CHMP2B: variants seen among roughly 807,000 people sequenced by gnomAD.
CHMP2B encodes the protein charged multivesicular body protein 2B.
A neutral mutation model predicts 29.8 loss-of-function variants in CHMP2B; 22 were observed. The observed-to-expected ratio is 0.74, with a 90% CI of 0.53 to 1.05. The LOEUF is 1.05. CHMP2B is among the 50% of genes least tolerant of loss of function. The pLI is 0.00. For missense variants in CHMP2B, 261 were observed against 252.2 expected (o/e 1.03, Z -0.24); for synonymous variants, 78 against 75.8 (o/e 1.03, Z -0.15).
At chr3:87,253,165 AAG>A (rs1266433393) in intron 4 of CHMP2B, 4 of 397,442 alleles carry the variant, frequency 1.0e-5, no homozygotes, top group Admixed American at 4.1e-5. Context: ...TTTTTTAAAA[AAG>A]AGTAGACTTG....
intron 1 of CHMP2B, chr3:87,240,421 C>A: frequency 3.2e-6 from 1 of 311,492 alleles, no homozygotes. Flanking sequence ...AGCGATTCTT[C>A]TACCTCAGCC....
chr3:87,242,104 G>A (rs1463595149), intron 2 of CHMP2B, among the ~76,000 whole-genome samples: 2 of 151,960 alleles, frequency 1.3e-5, no homozygotes, highest in Non-Finnish European at 2.9e-5. Context: ...TTTTGCCAGA[G>A]TGTCTATTCA....
chr3:87,249,797 G>A lies in CHMP2B; in HGVS notation c.322-78G>A, dbSNP rs184658029. ...TTTTTAAAGCCTATCTATATTTGAT[G>A]TGTTCCCTTTTGACTTATTTCATAG... On this transcript the variant is annotated intron_variant, in intron 3 of 5. Coordinates refer to ENST00000263780, the MANE Select transcript of CHMP2B (RefSeq NM_014043.4). 5.0e-5 allele frequency: 40 copies of A among 802,280 alleles called. No individual in the cohort carries two copies. The East Asian group carries it at 9.7e-4, about 20-fold the overall frequency. 49.7% of individuals were successfully genotyped at this position (802,280 alleles called of 1,614,324 possible).
chr3:87,237,695 T>C (rs1289885327), intron 1 of CHMP2B, among the ~76,000 whole-genome samples: 5 of 152,204 alleles, frequency 3.3e-5, no homozygotes, highest in Non-Finnish European at 4.4e-5. Flanking sequence ...TGACAATGCA[T>C]ACCCATGTAT....
chr3:87,239,429 G>A (rs977746688), intron 1 of CHMP2B, among the ~76,000 whole-genome samples: 4 of 152,074 alleles, frequency 2.6e-5, no homozygotes, highest in African/African-American at 9.7e-5. Context: ...GTTAATGTTT[G>A]TATACAGTGT....
intron 2 of CHMP2B, among the ~76,000 whole-genome samples, chr3:87,241,889 A>G (rs1397094027): frequency 6.6e-6 from 1 of 152,172 alleles, no homozygotes; most frequent in Non-Finnish European, 1.5e-5. Flanking sequence ...TAAAGTGCTG[A>G]AAAATTTGCA....
At chr3:87,253,345 A>C in intron 4 of CHMP2B, 59 bp from the exon 5 acceptor site, 1 of 981,298 alleles carries the variant, frequency 1.0e-6, no homozygotes, top group Middle Eastern at 2.1e-4. Context: ...TAAATATGTA[A>C]GTCTAACCTG....
intron 2 of CHMP2B, among the ~76,000 whole-genome samples, chr3:87,242,263 T>G (rs568883635): frequency 4.6e-5 from 7 of 152,130 alleles, no homozygotes; most frequent in Non-Finnish European, 1.0e-4. Flanking sequence ...CCTAAGTGTG[T>G]TTTGAGGAAT....
intron 1 of CHMP2B, among the ~76,000 whole-genome samples, chr3:87,229,979 C>A (rs1274435330): frequency 6.6e-6 from 1 of 152,108 alleles, no homozygotes; most frequent in African/African-American, 2.4e-5. Flanking sequence ...GAGAGGTATA[C>A]CTCAAGAGAA....
chr3:87,253,910 T>C lies in CHMP2B; in HGVS notation c.*88T>C. On this transcript the variant is annotated 3_prime_UTR_variant, in exon 6 of 6. Coordinates refer to ENST00000263780, the MANE Select transcript of CHMP2B (RefSeq NM_014043.4). The stretch of plus-strand genomic sequence containing the variant: ...GATTTCTTTTACAAAACACATGTAT[T>C]TTGCAAAAAAAAAAAAAATGAAGAC... 1 of 926,680 alleles carries C rather than the reference T, an allele frequency of 1.1e-6. No homozygotes were observed. Among genetic ancestry groups the C allele is most frequent in the Non-Finnish European group, 1.7e-6 (1 of 600,168 alleles). 57.4% of individuals were successfully genotyped at this position (926,680 alleles called of 1,614,324 possible). A position where few individuals can be genotyped will look rare whatever the true frequency, so the allele number is the denominator to read the frequency against.
At chr3:87,250,669 T>C (rs1309913821) in intron 4 of CHMP2B, among the ~76,000 whole-genome samples, 1 of 151,984 alleles carries the variant, frequency 6.6e-6, no homozygotes, top group Admixed American at 6.6e-5. Flanking sequence ...TTTAATATCA[T>C]TTAACATCAG....
intron 1 of CHMP2B, among the ~76,000 whole-genome samples, chr3:87,238,809 A>G (rs1201111349): frequency 6.6e-6 from 1 of 152,176 alleles, no homozygotes; most frequent in Non-Finnish European, 1.5e-5. Context: ...TTTCGATCTA[A>G]GAGTGGAATT....
Position 87,255,093 on chromosome 3 carries a change from C to A in CHMP2B, c.*1271C>A, listed in dbSNP as rs1706381219. On this transcript the variant is annotated 3_prime_UTR_variant, in exon 6 of 6. Transcript: ENST00000263780. ...AATATATGGGTTCTAACACATCCTACCATAAAAACTGGAGGAGATATGTGT... is the reference window on the plus strand; with the variant it reads ...AATATATGGGTTCTAACACATCCTAACATAAAAACTGGAGGAGATATGTGT... The A allele has an allele frequency of 6.6e-6, 1 of 151,878 alleles. No homozygotes were observed. The highest frequency in any genetic ancestry group is 2.1e-4 in the South Asian group (1 of 4,828). 9.4% of individuals were successfully genotyped at this position (151,878 alleles called of 1,614,324 possible). A position where few individuals can be genotyped will look rare whatever the true frequency, so the allele number is the denominator to read the frequency against.
chr3:87,249,096 A>C (rs886355438), intron 3 of CHMP2B, among the ~76,000 whole-genome samples: 1 of 152,162 alleles, frequency 6.6e-6, no homozygotes, highest in African/African-American at 2.4e-5. Flanking sequence ...CATCTAGGCT[A>C]TATGGTATAG....
intron 3 of CHMP2B, among the ~76,000 whole-genome samples, chr3:87,248,762 G>A (rs1466670678): frequency 2.0e-5 from 3 of 152,102 alleles, no homozygotes; most frequent in Non-Finnish European, 4.4e-5. Flanking sequence ...TTGGGGGTGG[G>A]GAGGGATGGG....
chr3:87,250,899 G>A lies in CHMP2B; in HGVS notation c.424+922G>A, dbSNP rs72924029. On this transcript the variant is annotated intron_variant, in intron 4 of 5. Transcript: ENST00000263780. ...TTTATTTCACCAATAATGAATGACC[G>A]ACCCTTCATAGCACCCTCGTCAACA... Among the ~76,000 whole-genome samples the A allele has an allele frequency of 1.8e-3, 276 of 151,826 alleles. 1 individual carries two copies. The highest frequency in any genetic ancestry group is 6.3e-3 in the African/African-American group (263 of 41,490).
chr3:87,249,802 C>A, intron 3 of CHMP2B, 73 bp from the exon 4 acceptor site: 2 of 849,340 alleles, frequency 2.4e-6, no homozygotes, highest in South Asian at 1.5e-5. Context: ...TTGATGTGTT[C>A]CCTTTTGACT....
rs1706366018 is a variant in CHMP2B at position 87,254,316 on chromosome 3, C to G, written c.*494C>G. The G allele has an allele frequency of 6.4e-6, 1 of 156,604 alleles. No homozygotes were observed. The highest frequency in any genetic ancestry group is 1.4e-5 in the Non-Finnish European group (1 of 70,586). 9.7% of individuals were successfully genotyped at this position (156,604 alleles called of 1,614,324 possible). On this transcript the variant is annotated 3_prime_UTR_variant, in exon 6 of 6. Transcript: ENST00000263780. ...TTTTAAATGGTCAAAAAGAAGAGTGCTATTTAAACATCTGTCTTAAACAAA... is the reference window on the plus strand; with the variant it reads ...TTTTAAATGGTCAAAAAGAAGAGTGGTATTTAAACATCTGTCTTAAACAAA...
At chr3:87,247,234 A>G (rs1219117303) in intron 3 of CHMP2B, among the ~76,000 whole-genome samples, 2 of 152,184 alleles carry the variant, frequency 1.3e-5, no homozygotes, top group Non-Finnish European at 2.9e-5. Flanking sequence ...ATCTGTACCT[A>G]ACTAACCTTG....
Sources: allele counts gnomAD v4.1 joint callset (sites outside exome capture counted in the v4.1 genomes callset), GRCh38; gene constraint gnomAD v4.1.1; transcripts MANE v1.5; gene names NCBI Gene and HGNC (gene_info 2026-07-23, HGNC 2026-07-21).